SLC8A1: variants seen among roughly 807,000 people sequenced by gnomAD.
SLC8A1 encodes solute carrier family 8 member A1.
In SLC8A1, 18 loss-of-function variants were observed where a neutral mutation model predicts 68.3. The ratio of observed to expected loss-of-function variants is 0.26; its 90% confidence interval spans 0.18 to 0.39. SLC8A1 has a LOEUF of 0.39. Among genes scored for constraint, SLC8A1 ranks in the 10% least tolerant of loss-of-function variants. The pLI is 1.00. For synonymous variants in SLC8A1, 475 were observed against 415.5 expected (o/e 1.14, Z -1.74); for missense variants, 985 against 1,156.7 (o/e 0.85, Z 2.15).
At chr2:40,462,507 T>A (rs929207884) in intron 1 of SLC8A1, among the ~76,000 whole-genome samples, 13 of 151,562 alleles carry the variant, frequency 8.6e-5, no homozygotes, top group Non-Finnish European at 1.6e-4. Flanking sequence ...CAGTATCTCA[T>A]ATTAGAGAAG....
intron 2 of SLC8A1, among the ~76,000 whole-genome samples, chr2:40,329,636 C>T (rs765065532): frequency 6.6e-6 from 1 of 152,206 alleles, no homozygotes; most frequent in Non-Finnish European, 1.5e-5. Flanking sequence ...GCCAAGAATT[C>T]TCATCACTTG....
intron 2 of SLC8A1, among the ~76,000 whole-genome samples, chr2:40,238,482 C>T (rs2060747166): frequency 6.6e-6 from 1 of 152,092 alleles, no homozygotes; most frequent in African/African-American, 2.4e-5. Context: ...GTGCGCGCAC[C>T]CACTGACCTG....
chr2:40,486,983 C>T (rs767377285), intron 1 of SLC8A1, among the ~76,000 whole-genome samples: 9 of 150,828 alleles, frequency 6.0e-5, no homozygotes, highest in Non-Finnish European at 1.2e-4. Context: ...TAGGTGGGAA[C>T]TGAACAATGA....
At chr2:40,206,863 G>A (rs575630437) in intron 2 of SLC8A1, among the ~76,000 whole-genome samples, 2 of 152,102 alleles carry the variant, frequency 1.3e-5, no homozygotes, top group South Asian at 4.1e-4. Context: ...TTTCTTCTTA[G>A]ATTCTTTTAA....
chr2:40,429,054 G>T, exon 2 of SLC8A1: 3 of 1,612,068 alleles, frequency 1.9e-6, no homozygotes, highest in Admixed American at 1.7e-5. Context: ...GTTCAAAGAA[G>T]ATCTTACTAA....
intron 7 of SLC8A1, among the ~76,000 whole-genome samples, chr2:40,126,785 C>T (rs1469874089): frequency 6.6e-6 from 1 of 152,108 alleles, no homozygotes; most frequent in Non-Finnish European, 1.5e-5. Flanking sequence ...CAGTGTTCAT[C>T]CTCTGTGCTA....
At chr2:40,499,370 A>G (rs1284355828) in intron 1 of SLC8A1, among the ~76,000 whole-genome samples, 1 of 152,044 alleles carries the variant, frequency 6.6e-6, no homozygotes, top group East Asian at 1.9e-4. Flanking sequence ...GATCCAGCTC[A>G]TAAGGTTATT....
At chr2:40,420,601 A>T (rs1559610107) in intron 2 of SLC8A1, among the ~76,000 whole-genome samples, 1 of 152,218 alleles carries the variant, frequency 6.6e-6, no homozygotes, top group Non-Finnish European at 1.5e-5. Context: ...TAAAACATTA[A>T]GCATTCCCTT....
chr2:40,454,626 T>C (rs912675835), upstream of SLC8A1, among the ~76,000 whole-genome samples: 2 of 152,172 alleles, frequency 1.3e-5, no homozygotes, highest in African/African-American at 4.8e-5. Context: ...CTTCTGTTTA[T>C]CTAGAACTAT....
chr2:40,418,708 C>G (rs1694612235), intron 2 of SLC8A1, among the ~76,000 whole-genome samples: 1 of 152,206 alleles, frequency 6.6e-6, no homozygotes. Flanking sequence ...CCCTATTTCA[C>G]ATTCTTCTGA....
At chr2:40,429,367 T>C (rs529509318) in exon 2 of SLC8A1, 2 of 1,613,884 alleles carry the variant, frequency 1.2e-6, no homozygotes, top group African/African-American at 2.7e-5. Context: ...CAGAGCACCA[T>C]CTAAGAAATT....
chr2:40,249,410 A>AT (rs2062389620), intron 2 of SLC8A1, among the ~76,000 whole-genome samples: 1 of 152,214 alleles, frequency 6.6e-6, no homozygotes, highest in Non-Finnish European at 1.5e-5. Flanking sequence ...TTACATCAGC[A>AT]TTTTTCAAAA....
At chr2:40,338,726 G>A (rs900944844) in intron 2 of SLC8A1, among the ~76,000 whole-genome samples, 4 of 152,086 alleles carry the variant, frequency 2.6e-5, no homozygotes, top group African/African-American at 9.7e-5. Context: ...GAAATTAGAT[G>A]GCAATTATCT....
chr2:40,348,801 A>G (rs531402461), intron 2 of SLC8A1, among the ~76,000 whole-genome samples: 2 of 152,272 alleles, frequency 1.3e-5, no homozygotes, highest in East Asian at 3.9e-4. Context: ...AGTCTGGAGG[A>G]AAGAAGTGGG....
chr2:40,419,374 C>G (rs1694822234), intron 2 of SLC8A1, among the ~76,000 whole-genome samples: 1 of 152,138 alleles, frequency 6.6e-6, no homozygotes, highest in Non-Finnish European at 1.5e-5. Flanking sequence ...TTTGCGTGAG[C>G]AAGAGTATGG....
chr2:40,156,185 A>G (rs2044440388), intron 6 of SLC8A1, among the ~76,000 whole-genome samples: 1 of 152,216 alleles, frequency 6.6e-6, no homozygotes, highest in African/African-American at 2.4e-5. Context: ...CATCAGGGCT[A>G]CTGTAGGACT....
At chr2:40,506,846 T>C (rs887883822) in intron 1 of SLC8A1, among the ~76,000 whole-genome samples, 5 of 151,928 alleles carry the variant, frequency 3.3e-5, no homozygotes, top group Admixed American at 1.3e-4. Context: ...GAAAATAGGG[T>C]TAGAAGGTGG....
At chr2:40,179,776 T>G (rs1315891958) in intron 2 of SLC8A1, among the ~76,000 whole-genome samples, 7 of 152,214 alleles carry the variant, frequency 4.6e-5, no homozygotes, top group Non-Finnish European at 8.8e-5. Flanking sequence ...CTATGCATAC[T>G]AAAGAATATC....
chr2:40,466,096 ACC>A (rs1703653255), intron 1 of SLC8A1, among the ~76,000 whole-genome samples: 3 of 152,154 alleles, frequency 2.0e-5, no homozygotes, highest in African/African-American at 7.2e-5. Context: ...TCTATAAGTT[ACC>A]CAGTATCAGG....
Sources: gnomAD v4.1 joint callset for allele counts (sites outside exome capture counted in the v4.1 genomes callset) on GRCh38, gnomAD v4.1.1 for gene constraint, MANE v1.5 for transcripts, NCBI Gene and HGNC (gene_info 2026-07-23, HGNC 2026-07-21) for gene names.